SMAP2: variants seen among roughly 807,000 people sequenced by gnomAD.
SMAP2 encodes the protein small ArfGAP2.
In SMAP2, 25 loss-of-function variants were observed where a neutral mutation model predicts 56.4. The ratio of observed to expected loss-of-function variants is 0.44; its 90% CI spans 0.32 to 0.62. SMAP2 has a LOEUF of 0.62. Ranked by LOEUF, SMAP2 falls within the 20% of genes least tolerant of loss-of-function variation. The pLI is 0.04. For missense variants in SMAP2, 388 were observed against 545.6 expected (o/e 0.71, Z 2.88); for synonymous variants, 157 against 181.7 (o/e 0.86, Z 1.09).
At chr1:40,412,880 C>T (rs1345745663) in intron 4 of SMAP2, 136 bp from the exon 5 acceptor site, 39 of 631,210 alleles carry the variant, frequency 6.2e-5, no homozygotes, top group Non-Finnish European at 2.7e-6. Context: ...CAAGACACCG[C>T]CCCCCAAGCT....
At chr1:40,354,838 G>T (rs544300238) in intron 1 of SMAP2, among the ~76,000 whole-genome samples, 1 of 128,554 alleles carries the variant, frequency 7.8e-6, no homozygotes, top group Admixed American at 9.1e-5. Context: ...GTACAGTGGC[G>T]TGATCTCGGC....
chr1:40,356,410 T>G (rs569093583), intron 1 of SMAP2, among the ~76,000 whole-genome samples: 28 of 150,804 alleles, frequency 1.9e-4, no homozygotes, highest in African/African-American at 2.2e-4. Context: ...TTTTTGTTTT[T>G]TTTTGTTTTT....
chr1:40,362,517 T>C (rs1398247873), intron 2 of SMAP2: 1 of 152,220 alleles, frequency 6.6e-6, no homozygotes, highest in East Asian at 1.9e-4. Context: ...GCAACTCTTT[T>C]TTTTCTCAGA....
chr1:40,403,688 C>G, intron 1 of SMAP2: 1 of 975,238 alleles, frequency 1.0e-6, no homozygotes, highest in African/African-American at 1.8e-5. Context: ...TTCTAGGGCA[C>G]TGTGAGGTGA....
intron 1 of SMAP2, among the ~76,000 whole-genome samples, chr1:40,362,072 G>A (rs1644462678): frequency 6.6e-6 from 1 of 152,206 alleles, no homozygotes; most frequent in Admixed American, 6.5e-5. Flanking sequence ...AAAGCCTGAA[G>A]AGGCCAGGGG....
chr1:40,345,771 CGTT>C, intron 1 of SMAP2, among the ~76,000 whole-genome samples: 1 of 149,912 alleles, frequency 6.7e-6, no homozygotes. Context: ...TATAATATAA[CGTT>C]AAATTTGCAT....
intron 1 of SMAP2, among the ~76,000 whole-genome samples, chr1:40,394,136 A>G (rs928024398): frequency 2.0e-5 from 3 of 151,874 alleles, no homozygotes; most frequent in East Asian, 1.9e-4. Flanking sequence ...CTTCCATCCT[A>G]TGGTTTCTTG....
intron 1 of SMAP2, among the ~76,000 whole-genome samples, chr1:40,350,830 T>C (rs1644406704): frequency 6.6e-6 from 1 of 152,248 alleles, no homozygotes; most frequent in Non-Finnish European, 1.5e-5. Context: ...CTATATCTTT[T>C]TCTAAAATAA....
Position 40,374,596 on chromosome 1 carries a change from C to CGTGTGTGTGT in SMAP2, c.103+393_103+402dup. On this transcript the variant is annotated intron_variant, in intron 1 of 9. Transcript: ENST00000372718. This position sits in a 1 kb window ranked among gnomAD's most constrained non-coding sequence, Gnocchi z 5.9. ...ACTGCATTGCGTGCGTGCGTGCGTG[C>CGTGTGTGTGT]GTGTGTGTGTGTGTGTGTGTGTGTG... 1 of 1,002,124 alleles carries CGTGTGTGTGT rather than the reference C, an allele frequency of 1.0e-6. No homozygotes were observed. The highest frequency in any genetic ancestry group is 1.5e-5 in the South Asian group (1 of 66,222). The allele number at this position is 1,002,124 out of a possible 1,614,324, so 62.1% of individuals were successfully genotyped here.
chr1:40,349,156 A>G (rs935226240), intron 1 of SMAP2, among the ~76,000 whole-genome samples: 2 of 152,128 alleles, frequency 1.3e-5, no homozygotes, highest in Non-Finnish European at 2.9e-5. Flanking sequence ...TTCTCTCACA[A>G]TTTCATTTCT....
At chr1:40,351,125 C>G (rs1238191458) in intron 1 of SMAP2, among the ~76,000 whole-genome samples, 2 of 152,170 alleles carry the variant, frequency 1.3e-5, no homozygotes, top group African/African-American at 2.4e-5. Context: ...CTGGTGCCTT[C>G]TGGAGCACCC....
intron 5 of SMAP2, among the ~76,000 whole-genome samples, chr1:40,413,359 C>T (rs959393133): frequency 6.6e-6 from 1 of 152,200 alleles, no homozygotes; most frequent in African/African-American, 2.4e-5. Flanking sequence ...AAGCAAGAGG[C>T]ACATTCCAAG....
At chr1:40,375,076 G>A in intron 1 of SMAP2, 1 of 985,408 alleles carries the variant, frequency 1.0e-6, no homozygotes, top group Non-Finnish European at 1.2e-6. Context: ...CTGTGCCCTA[G>A]AAGATTCATG....
chr1:40,353,796 G>A (rs964445209), intron 1 of SMAP2, among the ~76,000 whole-genome samples: 2 of 151,272 alleles, frequency 1.3e-5, no homozygotes, highest in African/African-American at 4.9e-5. Context: ...TTGCTATGTT[G>A]GCCAGGGTGG....
chr1:40,365,469 A>G (rs1364097473), intron 2 of SMAP2, among the ~76,000 whole-genome samples: 1 of 152,224 alleles, frequency 6.6e-6, no homozygotes, highest in Non-Finnish European at 1.5e-5. Flanking sequence ...ATACAGTGCA[A>G]CCAAACTATG....
rs200445532 is a variant in SMAP2, at chr1:40,415,391, G to T, written c.681+10G>T. On this transcript the variant is annotated intron_variant, in intron 7 of 9. Transcript: ENST00000372718. ...TTCCGGTTCCAGAAAGGTGAGTCTT[G>T]TGGGCTCCTCAGGATTAAAGAACAT... 5.2e-6 allele frequency: 8 copies of T among 1,532,636 alleles called. No homozygotes were observed. The highest frequency in any genetic ancestry group is 1.4e-5 in the African/African-American group (1 of 73,088). The allele number at this position is 1,532,636 out of a possible 1,614,324, so 94.9% of individuals were successfully genotyped here. A position where few individuals can be genotyped will look rare whatever the true frequency, so the allele number is the denominator to read the frequency against.
intron 9 of SMAP2, among the ~76,000 whole-genome samples, chr1:40,421,264 A>G (rs1645038786): frequency 6.6e-6 from 1 of 152,196 alleles, no homozygotes; most frequent in African/African-American, 2.4e-5. Flanking sequence ...TAACTTATAT[A>G]GAAAATTTAC....
rs548480814 is a variant in SMAP2, at chr1:40,380,524, T to C, written c.103+6301T>C. Among the ~76,000 whole-genome samples the C allele has an allele frequency of 2.8e-5, 3 of 108,644 alleles. No homozygotes were observed. The East Asian group carries it at 8.2e-4, about 30-fold the overall frequency. The allele number at this position is 108,644 out of a possible 152,430, so 71.3% of individuals were successfully genotyped here. A position where few individuals can be genotyped will look rare whatever the true frequency, so the allele number is the denominator to read the frequency against. On this transcript the variant is annotated intron_variant, in intron 1 of 9. Transcript: ENST00000372718. ...TTTAAAATTATTTTAGCTGTATCTG[T>C]GGCACTTTTTTTTTTTCTCTTTTGA...
chr1:40,419,720 A>T (rs1037210971), intron 9 of SMAP2, among the ~76,000 whole-genome samples: 6 of 152,256 alleles, frequency 3.9e-5, no homozygotes, highest in African/African-American at 1.4e-4. Flanking sequence ...TGATGTTCAA[A>T]TTGGCTAACA....
Sources: gnomAD v4.1 joint callset for allele counts (sites outside exome capture counted in the v4.1 genomes callset) on GRCh38, gnomAD v4.1.1 for gene constraint, Gnocchi (gnomAD v3.1) non-coding constraint, MANE v1.5 for transcripts, NCBI Gene and HGNC (gene_info 2026-07-23, HGNC 2026-07-21) for gene names.